Variants in KIAA0825 observed in about 807,000 individuals in gnomAD.
KIAA0825 encodes KIAA0825.
KIAA0825 carries 119 observed loss-of-function variants against 147.6 expected under a neutral mutation model. The observed-to-expected ratio is 0.81, with a 90% CI of 0.69 to 0.94. The LOEUF is 0.94. Ranked by LOEUF, KIAA0825 falls within the 40% of genes least tolerant of loss-of-function variation. KIAA0825 has a pLI of 0.00. For synonymous variants in KIAA0825, 470 were observed against 518.1 expected (o/e 0.91, Z 1.26); for missense variants, 1,381 against 1,472.7 (o/e 0.94, Z 1.02).
chr5:94,425,003 C>A (rs1754667131), intron 14 of KIAA0825, among the ~76,000 whole-genome samples: 1 of 152,134 alleles, frequency 6.6e-6, no homozygotes, highest in South Asian at 2.1e-4. Flanking sequence ...AATGCGAAAT[C>A]TCCCAACAAA....
intron 3 of KIAA0825, among the ~76,000 whole-genome samples, chr5:94,530,108 A>G (rs1223502485): frequency 6.6e-6 from 1 of 151,854 alleles, no homozygotes; most frequent in Non-Finnish European, 1.5e-5. Context: ...CGTCTCTACT[A>G]AAAAACTACA....
At chr5:94,494,295 C>T (rs186369051) in intron 5 of KIAA0825, among the ~76,000 whole-genome samples, 1,714 of 151,266 alleles carry the variant, frequency 0.011, 21 homozygotes, top group Non-Finnish European at 0.017. Flanking sequence ...ATACTCTTGT[C>T]CCTCTCCTAT....
Position 94,417,212 on chromosome 5 carries a change from T to C in KIAA0825, c.2651A>G (p.Tyr884Cys), listed in dbSNP as rs1466730961. The C allele has an allele frequency of 3.3e-5, 51 of 1,550,668 alleles. No individual in the cohort carries two copies. Among genetic ancestry groups the C allele is most frequent in the Non-Finnish European group, 4.3e-5 (49 of 1,146,420 alleles). ...MEEEQLWDFL[Y>C]NIPVSTCVEY... is the part of the protein sequence containing the mutation. Reference sequence around the variant, plus strand: ...TAAATGTCTCATACCTGGGATGTTATATAAAAAGTCCCATAATTGCTCTTC... The same window carrying C: ...TAAATGTCTCATACCTGGGATGTTACATAAAAAGTCCCATAATTGCTCTTC... Residue 884 changes from tyrosine (Y) to cysteine (C), a missense_variant, in exon 15 of 21, where the codon TAT becomes TGT. Tyr to Cys is a radical substitution (Grantham distance 194). Coordinates refer to ENST00000682413, the MANE Select transcript of KIAA0825 (RefSeq NM_001145678.3).
chr5:94,395,088 T>A (rs1252772017), intron 17 of KIAA0825, among the ~76,000 whole-genome samples: 1 of 152,232 alleles, frequency 6.6e-6, no homozygotes, highest in Non-Finnish European at 1.5e-5. Context: ...AAGAACTCCA[T>A]GAATGTTATT....
intron 1 of KIAA0825, among the ~76,000 whole-genome samples, chr5:94,590,754 G>GGTAA (rs1784204496): frequency 6.6e-6 from 1 of 152,086 alleles, no homozygotes; most frequent in African/African-American, 2.4e-5. Context: ...TGTCAATGTT[G>GGTAA]GTAACATTGG....
At chr5:94,452,912 A>T in intron 13 of KIAA0825, 47 bp downstream of exon 13, 1 of 1,000,234 alleles carries the variant, frequency 1.0e-6, no homozygotes, top group Non-Finnish European at 1.4e-6. Flanking sequence ...TTAAATTTTA[A>T]AAGGAATCAT....
chr5:94,501,242 C>T (rs151284376), intron 5 of KIAA0825, among the ~76,000 whole-genome samples: 1 of 152,222 alleles, frequency 6.6e-6, no homozygotes, highest in Non-Finnish European at 1.5e-5. Flanking sequence ...CAAGTCACCT[C>T]GTCAGTACAA....
chr5:94,367,515 T>C (rs1002426164), intron 20 of KIAA0825, among the ~76,000 whole-genome samples: 8 of 151,324 alleles, frequency 5.3e-5, no homozygotes, highest in Non-Finnish European at 8.8e-5. Flanking sequence ...AAAATAGAAA[T>C]AGGGATAAGA....
intron 7 of KIAA0825, among the ~76,000 whole-genome samples, chr5:94,474,851 G>A (rs1761666833): frequency 6.6e-6 from 1 of 152,148 alleles, no homozygotes; most frequent in Non-Finnish European, 1.5e-5. Context: ...ACTTTGGGAG[G>A]CCAAGGCGAG....
At chr5:94,424,983 T>C (rs1754664408) in intron 14 of KIAA0825, among the ~76,000 whole-genome samples, 1 of 152,088 alleles carries the variant, frequency 6.6e-6, no homozygotes, top group Admixed American at 6.6e-5. Flanking sequence ...AGTAACGAGA[T>C]GAAAGGAGCA....
intron 8 of KIAA0825, 144 bp downstream of exon 8, chr5:94,473,148 C>T (rs754012445): frequency 7.9e-6 from 5 of 634,708 alleles, no homozygotes; most frequent in South Asian, 2.1e-5. Context: ...ATGGATACCA[C>T]TGAAGAAAAC....
chr5:94,442,818 A>C (rs556844183), intron 13 of KIAA0825, among the ~76,000 whole-genome samples: 25 of 152,294 alleles, frequency 1.6e-4, no homozygotes, highest in African/African-American at 6.0e-4. Flanking sequence ...GTAGAAAGGA[A>C]AGGGAATCTT....
At chr5:94,266,770 T>C (rs981459867) in intron 20 of KIAA0825, among the ~76,000 whole-genome samples, 3 of 152,230 alleles carry the variant, frequency 2.0e-5, no homozygotes, top group Admixed American at 6.5e-5. Flanking sequence ...TATGTTAATA[T>C]GTAATTGGTT....
At chr5:94,192,244 AT>A (rs1328993882) in intron 20 of KIAA0825, among the ~76,000 whole-genome samples, 1 of 152,152 alleles carries the variant, frequency 6.6e-6, no homozygotes, top group African/African-American at 2.4e-5. Context: ...GGACAGCATC[AT>A]TTTTTTCTAT....
chr5:94,519,386 T>C (rs1005530193), intron 5 of KIAA0825: 9 of 899,356 alleles, frequency 1.0e-5, no homozygotes, highest in Admixed American at 6.2e-5. Flanking sequence ...AGATTTTATA[T>C]AAAAGCATAA....
chr5:94,559,951 A>G (rs1402336078), intron 2 of KIAA0825, among the ~76,000 whole-genome samples: 1 of 152,242 alleles, frequency 6.6e-6, no homozygotes, highest in Admixed American at 6.5e-5. Flanking sequence ...AAGAATCTGC[A>G]TTAATGCAGC....
chr5:94,468,670 T>G (rs942276389), intron 10 of KIAA0825, among the ~76,000 whole-genome samples: 1 of 152,214 alleles, frequency 6.6e-6, no homozygotes, highest in Non-Finnish European at 1.5e-5. Context: ...GAGAGCTTCT[T>G]ATTAGCTGCT....
At chr5:94,473,138 A>G (rs1761428187) in intron 8 of KIAA0825, among the ~76,000 whole-genome samples, 154 bp downstream of exon 8, 1 of 152,190 alleles carries the variant, frequency 6.6e-6, no homozygotes, top group African/African-American at 2.4e-5. Context: ...GCAGTGGCCC[A>G]TGGATACCAC....
chr5:94,315,356 A>T lies in KIAA0825; in HGVS notation c.3710+69012T>A, dbSNP rs995736283. Among the ~76,000 whole-genome samples, 5 of 151,324 alleles carry T rather than the reference A, an allele frequency of 3.3e-5. No homozygotes were observed. The Admixed American group carries it at 3.3e-4, about 10-fold the overall frequency. ...TCAGAGGCCTAGAGGTAAACTTATT[A>T]TTTTTTTTAAGAAACCACTTCAAGC... On this transcript the variant is annotated intron_variant, in intron 20 of 20. Coordinates refer to ENST00000682413, the MANE Select transcript of KIAA0825 (RefSeq NM_001145678.3).
Sources: allele counts gnomAD v4.1 joint callset (sites outside exome capture counted in the v4.1 genomes callset), GRCh38; gene constraint gnomAD v4.1.1; transcripts MANE v1.5; gene names NCBI Gene and HGNC (gene_info 2026-07-23, HGNC 2026-07-21).